Variants in SGCD observed in about 807,000 individuals in gnomAD.
SGCD encodes the protein delta-sarcoglycan.
In SGCD, 18 loss-of-function variants were observed where a neutral mutation model predicts 36.6. That is an observed-to-expected ratio of 0.49 (90% CI 0.34 to 0.73). The LOEUF (loss-of-function observed/expected upper bound fraction) is 0.73. Among genes scored for constraint, SGCD ranks in the 30% least tolerant of loss-of-function variants. The pLI is 0.01. For synonymous variants in SGCD, 133 were observed against 130.6 expected, an observed-to-expected ratio of 1.02 and a Z score of -0.12; for missense variants, 387 against 346.7, an observed-to-expected ratio of 1.12 and a Z score of -0.92.
intron 1 of SGCD, among the ~76,000 whole-genome samples, chr5:156,109,695 C>T (rs147862370): frequency 1.3e-5 from 2 of 152,144 alleles, no homozygotes; most frequent in Non-Finnish European, 2.9e-5. Flanking sequence ...TTCATCTAAC[C>T]AAACCCCCTT....
At chr5:155,921,337 G>A (rs1038338132) in intron 1 of SGCD, among the ~76,000 whole-genome samples, 1 of 152,152 alleles carries the variant, frequency 6.6e-6, no homozygotes, top group African/African-American at 2.4e-5. Flanking sequence ...GACCAAATAG[G>A]ACGCAGTGTG....
chr5:156,330,947 T>C (rs936036999), intron 2 of SGCD, among the ~76,000 whole-genome samples: 4 of 152,334 alleles, frequency 2.6e-5, no homozygotes, highest in Non-Finnish European at 5.9e-5. Context: ...GACAAAAGTA[T>C]CTGCCTAATA....
intron 7 of SGCD, among the ~76,000 whole-genome samples, chr5:156,730,095 A>C (rs1755978780): frequency 6.6e-6 from 1 of 152,204 alleles, no homozygotes; most frequent in Middle Eastern, 3.2e-3. Flanking sequence ...ACCTACACTA[A>C]AGACAATATA....
intron 3 of SGCD, among the ~76,000 whole-genome samples, chr5:156,188,789 AGACC>A (rs1474392858): frequency 1.3e-5 from 2 of 151,876 alleles, no homozygotes; most frequent in Admixed American, 1.3e-4. Context: ...CCTCCTTCTA[AGACC>A]GAGAGCGTAA....
chr5:156,512,414 G>T (rs1756982035), intron 4 of SGCD, among the ~76,000 whole-genome samples: 1 of 152,064 alleles, frequency 6.6e-6, no homozygotes, highest in African/African-American at 2.4e-5. Flanking sequence ...GCAGGAACAT[G>T]CCATAAAGGT....
At chr5:155,785,725 G>A in the SGCD span, among the ~76,000 whole-genome samples, 1 of 152,290 alleles carries the variant, frequency 6.6e-6, no homozygotes. Context: ...AAACACATAT[G>A]TGAAAATAAC....
rs114677417 is a variant in SGCD at position 156,519,473 on chromosome 5, A to T, written c.294+10771A>T. 3.3e-3 allele frequency among the ~76,000 whole-genome samples: 505 copies of T among 152,318 alleles called. 3 individuals carry two copies. The highest frequency in any genetic ancestry group is 0.012 in the African/African-American group (483 of 41,580). ...AGCTGGTACCATTTCTTTTCAAACTATTCCAAACAATTGAAAAGGAGGGAT... is the reference window on the plus strand; with the variant it reads ...AGCTGGTACCATTTCTTTTCAAACTTTTCCAAACAATTGAAAAGGAGGGAT... On this transcript the variant is annotated intron_variant, in intron 4 of 8. Transcript: ENST00000337851.
chr5:156,304,267 C>T (rs1408169687), intron 3 of SGCD, among the ~76,000 whole-genome samples: 2 of 152,166 alleles, frequency 1.3e-5, no homozygotes, highest in Non-Finnish European at 2.9e-5. Flanking sequence ...TGTCCCCACC[C>T]AAATATCATC....
chr5:156,293,982 TTTA>T (rs1473749153), intron 3 of SGCD, among the ~76,000 whole-genome samples: 1 of 152,168 alleles, frequency 6.6e-6, no homozygotes, highest in Admixed American at 6.6e-5. Flanking sequence ...TGCGTTTCCA[TTTA>T]TTTATGTCTT....
chr5:156,618,734 C>T (rs190944396), intron 6 of SGCD, among the ~76,000 whole-genome samples: 20 of 152,110 alleles, frequency 1.3e-4, no homozygotes, highest in African/African-American at 4.6e-4. Context: ...GGGGTGAATT[C>T]CTGATGCAGA....
intron 1 of SGCD, among the ~76,000 whole-genome samples, chr5:155,929,593 C>G (rs912686917): frequency 1.3e-5 from 2 of 152,134 alleles, no homozygotes; most frequent in African/African-American, 2.4e-5. Context: ...ACATTTTCCC[C>G]TAAGTTACCT....
intron 2 of SGCD, among the ~76,000 whole-genome samples, chr5:156,343,874 G>A (rs1391180224): frequency 6.6e-6 from 1 of 152,056 alleles, no homozygotes; most frequent in Non-Finnish European, 1.5e-5. Context: ...GACTAACTCA[G>A]GGGGTAGTTA....
At chr5:155,732,148 C>T in the SGCD span, among the ~76,000 whole-genome samples, 3 of 152,178 alleles carry the variant, frequency 2.0e-5, no homozygotes, top group African/African-American at 7.2e-5. Flanking sequence ...CTGAGGACTC[C>T]TCAGGGCATT....
intron 3 of SGCD, among the ~76,000 whole-genome samples, chr5:156,240,435 C>T (rs1194657806): frequency 1.3e-5 from 2 of 151,728 alleles, no homozygotes; most frequent in Non-Finnish European, 2.9e-5. Context: ...ATATGAGGTC[C>T]CTAGGGAGAT....
chr5:156,539,609 G>C (rs918565684), intron 4 of SGCD, among the ~76,000 whole-genome samples: 6 of 152,040 alleles, frequency 3.9e-5, no homozygotes, highest in Non-Finnish European at 8.8e-5. Flanking sequence ...TTATGGCTGA[G>C]TAGCATTCCA....
chr5:155,887,739 T>C (rs1376199792), intron 1 of SGCD, among the ~76,000 whole-genome samples: 1 of 152,232 alleles, frequency 6.6e-6, no homozygotes, highest in Non-Finnish European at 1.5e-5. Flanking sequence ...CTGTTAATGG[T>C]ATCATCATTT....
intron 6 of SGCD, among the ~76,000 whole-genome samples, chr5:156,610,589 G>C (rs1419065852): frequency 6.6e-6 from 1 of 152,236 alleles, no homozygotes; most frequent in Non-Finnish European, 1.5e-5. Flanking sequence ...GGACATTTAA[G>C]TTTGCGGAGG....
intron 3 of SGCD, among the ~76,000 whole-genome samples, chr5:156,284,071 C>G (rs984428716): frequency 6.6e-6 from 1 of 152,108 alleles, no homozygotes; most frequent in Non-Finnish European, 1.5e-5. Context: ...TTAGTATTAT[C>G]TGGAAGAAAG....
chr5:156,549,517 G>A (rs1432534537), intron 4 of SGCD, among the ~76,000 whole-genome samples: 1 of 152,226 alleles, frequency 6.6e-6, no homozygotes, highest in East Asian at 1.9e-4. Context: ...AGGAATTAAT[G>A]TTCATTAGGT....
Sources: gnomAD v4.1 joint callset for allele counts (sites outside exome capture counted in the v4.1 genomes callset) on GRCh38, gnomAD v4.1.1 for gene constraint, MANE v1.5 for transcripts, NCBI Gene and HGNC (gene_info 2026-07-23, HGNC 2026-07-21) for gene names.